FMN1: variants seen among roughly 807,000 people sequenced by gnomAD.
FMN1 encodes formin-1.
A neutral mutation model predicts 132.4 loss-of-function variants in FMN1; 110 were observed. The ratio of observed to expected loss-of-function variants is 0.83; its 90% CI spans 0.71 to 0.97. The LOEUF (loss-of-function observed/expected upper bound fraction) is 0.97. FMN1 is among the 50% of genes least tolerant of loss of function. FMN1 has a pLI of 0.00. For synonymous variants in FMN1, 722 were observed against 651.7 expected, an observed-to-expected ratio of 1.11 and a Z score of -1.64; for missense variants, 1,792 against 1,705.3, an observed-to-expected ratio of 1.05 and a Z score of -0.90.
chr15:32,979,534 C>T (rs1162795016), intron 7 of FMN1, among the ~76,000 whole-genome samples: 2 of 114,202 alleles, frequency 1.8e-5, no homozygotes, highest in African/African-American at 6.9e-5. Context: ...GCAGCCTGCG[C>T]AACAGAGCAA....
intron 9 of FMN1, among the ~76,000 whole-genome samples, chr15:32,948,746 CA>C (rs2061562306): frequency 6.6e-6 from 1 of 151,836 alleles, no homozygotes; most frequent in African/African-American, 2.4e-5. Context: ...TTGTTTTGCT[CA>C]ATCTTGCAAA....
chr15:32,978,431 T>C (rs2032385698), intron 7 of FMN1, among the ~76,000 whole-genome samples: 1 of 152,212 alleles, frequency 6.6e-6, no homozygotes, highest in Non-Finnish European at 1.5e-5. Flanking sequence ...AATGGATATA[T>C]ATCCATGGAA....
chr15:33,013,785 T>G (rs1171872306), intron 6 of FMN1, among the ~76,000 whole-genome samples: 2 of 152,228 alleles, frequency 1.3e-5, no homozygotes, highest in African/African-American at 4.8e-5. Flanking sequence ...AATTCCAAGC[T>G]TCTACAAAGT....
chr15:33,036,575 C>A (rs557007454), intron 6 of FMN1, among the ~76,000 whole-genome samples: 2 of 152,180 alleles, frequency 1.3e-5, no homozygotes, highest in East Asian at 3.9e-4. Context: ...GGTTCTGGAG[C>A]TAACTTCCAG....
chr15:32,892,742 G>C (rs977511555), intron 15 of FMN1, among the ~76,000 whole-genome samples: 2 of 152,022 alleles, frequency 1.3e-5, no homozygotes, highest in East Asian at 1.9e-4. Flanking sequence ...CTTGCTGCTT[G>C]TTACTGGTCT....
chr15:33,133,808 G>A (rs1038263273), intron 4 of FMN1, among the ~76,000 whole-genome samples: 4 of 152,044 alleles, frequency 2.6e-5, no homozygotes, highest in Non-Finnish European at 2.9e-5. Context: ...TAGGTGTGCC[G>A]ACTTCCAACC....
chr15:33,104,690 A>C (rs1249475685), intron 4 of FMN1, among the ~76,000 whole-genome samples: 3 of 152,124 alleles, frequency 2.0e-5, no homozygotes, highest in African/African-American at 7.2e-5. Flanking sequence ...TAATTCTCAA[A>C]TAGTTTTGTG....
At chr15:32,795,181 C>T (rs2057240680) in intron 19 of FMN1, among the ~76,000 whole-genome samples, 1 of 152,126 alleles carries the variant, frequency 6.6e-6, no homozygotes, top group South Asian at 2.1e-4. Context: ...GCCTGAATGA[C>T]TCAAAAGAAA....
At chr15:33,127,337 C>A in intron 4 of FMN1, among the ~76,000 whole-genome samples, 1 of 150,710 alleles carries the variant, frequency 6.6e-6, no homozygotes, top group Non-Finnish European at 1.5e-5. Flanking sequence ...CAACCTGGAC[C>A]CTAAATCCCT....
intron 17 of FMN1, among the ~76,000 whole-genome samples, chr15:32,816,149 T>C (rs1367468899): frequency 6.6e-6 from 1 of 152,220 alleles, no homozygotes; most frequent in East Asian, 1.9e-4. Context: ...CCTGTGAAAC[T>C]TCTCTGGGGA....
At chr15:33,159,103 AC>A (rs1195241424) in intron 3 of FMN1, among the ~76,000 whole-genome samples, 1 of 152,190 alleles carries the variant, frequency 6.6e-6, no homozygotes, top group East Asian at 1.9e-4. Flanking sequence ...AATTGCTTCA[AC>A]CCAGGAGATC....
In FMN1 at chr15:33,067,661, C is replaced by G. The variant is rs762023313; in HGVS notation, c.2044-2587G>C. On this transcript the variant is annotated intron_variant, in intron 5 of 20. Coordinates refer to ENST00000616417, the MANE Select transcript of FMN1 (RefSeq NM_001277313.2). Reference sequence around the variant, plus strand: ...TGCTTCCTGTGGATCCAAGCCATTGCTGGAATCATCCTGCTGAGATGTGGG... The same window carrying G: ...TGCTTCCTGTGGATCCAAGCCATTGGTGGAATCATCCTGCTGAGATGTGGG... 1.1e-5 allele frequency: 17 copies of G among 1,613,908 alleles called. No homozygotes were observed. The African/African-American group carries it at 2.3e-4, about 22-fold the overall frequency.
At chr15:33,031,984 A>G (rs2035958854) in intron 6 of FMN1, among the ~76,000 whole-genome samples, 1 of 152,212 alleles carries the variant, frequency 6.6e-6, no homozygotes, top group African/African-American at 2.4e-5. Flanking sequence ...AAATCAATAA[A>G]TGTAATCATG....
At chr15:33,085,664 C>CA (rs1364145862) in intron 5 of FMN1, among the ~76,000 whole-genome samples, 1 of 150,738 alleles carries the variant, frequency 6.6e-6, no homozygotes, top group Non-Finnish European at 1.5e-5. Context: ...TGATAAATAT[C>CA]AAAAAACCTA....
chr15:33,076,782 AC>A (rs2141301780), intron 5 of FMN1, among the ~76,000 whole-genome samples: 1 of 152,318 alleles, frequency 6.6e-6, no homozygotes, highest in South Asian at 2.1e-4. Flanking sequence ...GTATTTTATA[AC>A]AGTTTTCTTT....
At chr15:33,032,869 T>C (rs140794584) in intron 6 of FMN1, among the ~76,000 whole-genome samples, 168 of 152,254 alleles carry the variant, frequency 1.1e-3, no homozygotes, top group Non-Finnish European at 2.1e-3. Flanking sequence ...CTGTGTCTTG[T>C]TTCTTCATCT....
At chr15:32,885,637 C>A (rs1419866363) in intron 16 of FMN1, among the ~76,000 whole-genome samples, 9 of 152,134 alleles carry the variant, frequency 5.9e-5, no homozygotes, top group Admixed American at 5.9e-4. Context: ...CAATAAGTTG[C>A]AGTTGATACT....
intron 4 of FMN1, among the ~76,000 whole-genome samples, chr15:33,126,420 G>A (rs528769069): frequency 4.2e-4 from 64 of 152,230 alleles, no homozygotes; most frequent in African/African-American, 1.2e-3. Flanking sequence ...GCTTCTGGAG[G>A]GTGAGAGGAG....
At chr15:33,107,047 T>C (rs345775) in intron 4 of FMN1, among the ~76,000 whole-genome samples, 3 of 151,828 alleles carry the variant, frequency 2.0e-5, no homozygotes. Context: ...TCCAAACTCT[T>C]TATTTTCCTT....
Sources: gnomAD v4.1 joint callset for allele counts (sites outside exome capture counted in the v4.1 genomes callset) on GRCh38, gnomAD v4.1.1 for gene constraint, MANE v1.5 for transcripts, NCBI Gene and HGNC (gene_info 2026-07-23, HGNC 2026-07-21) for gene names.